The following USP50 variants were observed in gnomAD, a reference collection of about 807,000 sequenced individuals.
USP50 encodes the protein ubiquitin specific peptidase 50.
A neutral mutation model predicts 39.2 loss-of-function variants in USP50; 37 were observed. The observed-to-expected ratio is 0.94, with a 90% confidence interval of 0.73 to 1.24. The LOEUF (loss-of-function observed/expected upper bound fraction) is 1.24. USP50 is among the 50% of genes most tolerant of loss of function. The pLI, the probability that USP50 is intolerant of heterozygous loss-of-function variation, is 0.00. For missense variants in USP50, 374 were observed against 398.2 expected (o/e 0.94, Z 0.52); for synonymous variants, 139 against 144.5 (o/e 0.96, Z 0.27).
rs1566912907 is a variant in USP50, at chr15:50,543,721, G to C, written c.321C>G (p.Val107=). ...TDMWLGDSDC[V]SPEIFWSALG... The stretch of plus-strand genomic sequence containing the variant: ...GAGCTGACCAGAATATTTCTGGTGA[G>C]ACACAGTCTGAGTCTCCCAGCCACA... Residue 107 remains valine, a synonymous_variant, in exon 3 of 7, where the codon GTC becomes GTG. Transcript: ENST00000532404. The C allele has an allele frequency of 3.7e-6, 6 of 1,611,134 alleles. No individual in the cohort carries two copies. Among genetic ancestry groups the C allele is most frequent in the Admixed American group, 1.7e-5 (1 of 59,544 alleles).
In USP50 at chr15:50,543,594, T is replaced by C; in HGVS notation, c.444+4A>G. On this transcript the variant is annotated splice_donor_region_variant and intron_variant, in intron 3 of 6. Coordinates refer to ENST00000532404, the MANE Select transcript of USP50 (RefSeq NM_203494.5). ...CCTATTTCAAGGTCATTAACTCTACTTACCTTTTTTAGAGCTTCATGAAGT... is the reference window on the plus strand; with the variant it reads ...CCTATTTCAAGGTCATTAACTCTACCTACCTTTTTTAGAGCTTCATGAAGT... The C allele has an allele frequency of 1.2e-6, 2 of 1,611,232 alleles. No homozygotes were observed. The highest frequency in any genetic ancestry group is 1.7e-6 in the Non-Finnish European group (2 of 1,178,450).
intron 5 of USP50, chr15:50,532,100 A>C (rs1345279133): frequency 2.2e-6 from 1 of 456,138 alleles, no homozygotes; most frequent in Non-Finnish European, 4.4e-6. Context: ...CTAGAGGCTC[A>C]GTGCAGAGTC....
intron 5 of USP50, among the ~76,000 whole-genome samples, chr15:50,530,945 GT>G (rs889797280): frequency 1.1e-4 from 17 of 149,810 alleles, no homozygotes; most frequent in African/African-American, 2.5e-4. Context: ...GTTTTTGTTT[GT>G]TTTTTTTTAA....
downstream of USP50, chr15:50,497,074 G>T (rs1349688346): frequency 6.3e-7 from 1 of 1,585,654 alleles, no homozygotes; most frequent in Non-Finnish European, 8.5e-7. Context: ...TCTGCTACTT[G>T]TTTTTTTCTG....
rs58329541 is a variant in USP50 at position 50,506,957 on chromosome 15, C to CAAAAAAAAAAAAA, written c.937-6133_937-6121dup. The CAAAAAAAAAAAAA allele has an allele frequency of 1.5e-4, 7 of 46,226 alleles. 1 individual carries two copies. The highest frequency in any genetic ancestry group is 6.6e-4 in the African/African-American group (7 of 10,550). The allele number at this position is 46,226 out of a possible 1,614,324, so 2.9% of individuals were successfully genotyped here. On this transcript the variant is annotated intron_variant, in intron 6 of 6. Coordinates refer to ENST00000532404, the MANE Select transcript of USP50 (RefSeq NM_203494.5). ...TGGGCGACAGAGCGAGACTTCATCT[C>CAAAAAAAAAAAAA]AAAAAAAAAAAAAAAAAAAAAAAAA...
chr15:50,546,460 G>A lies in USP50; in HGVS notation c.53+13C>T, dbSNP rs771952885. Reference sequence around the variant, plus strand: ...TGGGCTAATCTAGAAAGCTGTAGTAGATCAAGGCTCACAGGACGTGGTAGA... The same window carrying A: ...TGGGCTAATCTAGAAAGCTGTAGTAAATCAAGGCTCACAGGACGTGGTAGA... On this transcript the variant is annotated intron_variant, in intron 1 of 6. Coordinates refer to ENST00000532404, the MANE Select transcript of USP50 (RefSeq NM_203494.5). 1.2e-6 allele frequency: 2 copies of A among 1,613,210 alleles called. No homozygotes were observed. The highest frequency in any genetic ancestry group is 4.5e-5 in the East Asian group (2 of 44,866).
In USP50 at chr15:50,500,784, T is replaced by C; in HGVS notation, c.990A>G (p.Ser330=). 1 of 1,589,740 alleles carries C rather than the reference T, an allele frequency of 6.3e-7. No homozygotes were observed. Among genetic ancestry groups the C allele is most frequent in the African/African-American group, 1.3e-5 (1 of 74,676 alleles). The change falls in exon 7 of 7, where the codon TCA becomes TCG. Residue 330 remains serine, a synonymous_variant. Coordinates refer to ENST00000532404, the MANE Select transcript of USP50 (RefSeq NM_203494.5). Reference sequence around the variant, plus strand: ...CAAAGCTATATCAGGCCTGGGTGACTGAATTCTTGCAGAAAGCAGTGTAGT... The same window carrying C: ...CAAAGCTATATCAGGCCTGGGTGACCGAATTCTTGCAGAAAGCAGTGTAGT... ...GGHYTAFCKN[S]VTQA
intron 6 of USP50, among the ~76,000 whole-genome samples, chr15:50,526,542 T>C (rs1596014577): frequency 1.3e-5 from 2 of 152,272 alleles, no homozygotes. Flanking sequence ...TGAAGGAACA[T>C]GTATAAGAAA....
downstream of USP50, among the ~76,000 whole-genome samples, chr15:50,496,675 G>A (rs960697074): frequency 1.3e-5 from 2 of 152,102 alleles, no homozygotes; most frequent in Admixed American, 1.3e-4. Context: ...GTTGTCTGTT[G>A]ACTAACTTAG....
chr15:50,496,073 T>C, downstream of USP50: 1 of 1,608,662 alleles, frequency 6.2e-7, no homozygotes, highest in Non-Finnish European at 8.5e-7. Context: ...CACAAGTAAA[T>C]GTACATTACA....
rs1360299530 is a variant in USP50, at chr15:50,514,396, C to G, written c.937-13559G>C. On this transcript the variant is annotated intron_variant, in intron 6 of 6. Coordinates refer to ENST00000532404, the MANE Select transcript of USP50 (RefSeq NM_203494.5). ...TGTACTTTTCTGTATATATGTTTCA[C>G]TTCAATAAAGTTTATTTTTGGTCAA... 3 of 152,268 alleles carry G rather than the reference C, an allele frequency of 2.0e-5. No homozygotes were observed. The East Asian group carries it at 5.8e-4, about 29-fold the overall frequency. 9.4% of individuals were successfully genotyped at this position (152,268 alleles called of 1,614,324 possible). A position where few individuals can be genotyped will look rare whatever the true frequency, so the allele number is the denominator to read the frequency against.
chr15:50,493,974 T>C (rs994010060), downstream of USP50: 3 of 1,317,152 alleles, frequency 2.3e-6, no homozygotes, highest in Non-Finnish European at 3.3e-6. Flanking sequence ...TGCTACAGTA[T>C]GTGAATAATT....
chr15:50,496,480 TA>T (rs35899607), downstream of USP50, among the ~76,000 whole-genome samples: 69,998 of 116,344 alleles, frequency 0.6, 20,095 homozygotes, highest in South Asian at 0.68. Flanking sequence ...GACTCCGTCT[TA>T]AAAAAAAAAA....
chr15:50,531,918 T>A (rs1260425167), intron 5 of USP50: 1 of 305,074 alleles, frequency 3.3e-6, no homozygotes, highest in Non-Finnish European at 6.6e-6. Flanking sequence ...AAACAGCTCT[T>A]CTTAGAGCTG....
chr15:50,494,198 A>G (rs1203248629), intron 1 of USP50: 1 of 1,614,000 alleles, frequency 6.2e-7, no homozygotes, highest in East Asian at 2.2e-5. Flanking sequence ...AAGATCAATG[A>G]CCAGTTTGCA....
chr15:50,533,700 T>TG (rs2052959112), intron 5 of USP50, among the ~76,000 whole-genome samples: 2 of 152,168 alleles, frequency 1.3e-5, no homozygotes, highest in Admixed American at 1.3e-4. Context: ...AGACCTGCCT[T>TG]GCAAGAATGT....
intron 1 of USP50, among the ~76,000 whole-genome samples, chr15:50,545,516 T>C (rs1339495183): frequency 6.6e-6 from 1 of 151,380 alleles, no homozygotes; most frequent in Non-Finnish European, 1.5e-5. Flanking sequence ...TATATTAAGA[T>C]TGTCTATATA....
chr15:50,495,766 G>A (rs2141326508), downstream of USP50: 1 of 1,113,006 alleles, frequency 9.0e-7, no homozygotes, highest in East Asian at 2.6e-5. Flanking sequence ...AATCTGGCAA[G>A]TGTTTGTATT....
At chr15:50,497,340 C>A, downstream of USP50, 2 of 1,341,182 alleles carry the variant, frequency 1.5e-6, no homozygotes, top group South Asian at 1.7e-5. Flanking sequence ...TAACAAAGGG[C>A]GATTATCTGG....
Sources: gnomAD v4.1 joint callset for allele counts (sites outside exome capture counted in the v4.1 genomes callset) on GRCh38, gnomAD v4.1.1 for gene constraint, MANE v1.5 for transcripts, NCBI Gene and HGNC (gene_info 2026-07-23, HGNC 2026-07-21) for gene names.